The following NOL12 variants were observed in gnomAD, a reference collection of about 807,000 sequenced individuals.
NOL12 encodes nucleolar protein 12.
Under a neutral mutation model 25.2 loss-of-function variants are expected in NOL12, and 21 were observed. The observed-to-expected ratio is 0.83, with a 90% CI of 0.59 to 1.20. The LOEUF is 1.20. Ranked by LOEUF, NOL12 falls within the 50% of genes most tolerant of loss-of-function variation. The pLI, the probability that NOL12 is intolerant of heterozygous loss-of-function variation, is 0.00. For missense variants in NOL12, 286 were observed against 287.6 expected (o/e 0.99, Z 0.04); for synonymous variants, 133 against 113.8 (o/e 1.17, Z -1.08).
chr22:37,692,753 C>T lies in NOL12; in HGVS notation c.*1417C>T. The T allele has an allele frequency of 2.5e-6, 1 of 399,076 alleles. No homozygotes were observed. The highest frequency in any genetic ancestry group is 4.4e-5 in the Admixed American group (1 of 22,732). 24.7% of individuals were successfully genotyped at this position (399,076 alleles called of 1,614,324 possible). On this transcript the variant is annotated 3_prime_UTR_variant, in exon 6 of 6. Transcript: ENST00000359114. ...CCTGGAGTGGGGGTGAGCAGTGAGC[C>T]AGGGTCTGCAGGGCTGTCCTCTCTC...
intron 1 of NOL12, 41 bp from the exon 2 acceptor site, chr22:37,687,869 G>A (rs1437603711): frequency 6.8e-7 from 1 of 1,477,780 alleles, no homozygotes; most frequent in African/African-American, 1.4e-5. Flanking sequence ...TTCTCTCCTT[G>A]TATAATGACT....
chr22:37,687,137 A>C (rs1044796731), intron 1 of NOL12: 2 of 972,566 alleles, frequency 2.1e-6, no homozygotes, highest in Admixed American at 6.2e-5. Context: ...TGTCCTGGGG[A>C]CATGGGTGTT....
In NOL12 at chr22:37,688,007, C is replaced by T. The variant is rs780599224; in HGVS notation, c.181C>T (p.Arg61Trp). The change falls in exon 2 of 6, where the codon CGG (arginine) becomes TGG (tryptophan). Residue 61 changes from arginine (R) to tryptophan (W), a missense_variant. Coordinates refer to ENST00000359114, the MANE Select transcript of NOL12 (RefSeq NM_024313.3). ...QRLKEEQRKL[R>W]EERHQEYLKM... ...GCTGAAAGAGGAGCAGAGGAAGCTT[C>T]GGGAGGAGGTACGCAGGGGGAAGGT... 1.3e-5 allele frequency: 17 copies of T among 1,296,102 alleles called. No individual in the cohort carries two copies. Among genetic ancestry groups the T allele is most frequent in the Middle Eastern group, 2.0e-4 (1 of 4,968 alleles). 80.3% of individuals were successfully genotyped at this position (1,296,102 alleles called of 1,614,324 possible).
intron 1 of NOL12, chr22:37,687,005 A>G (rs1921844686): frequency 2.0e-6 from 2 of 985,402 alleles, no homozygotes; most frequent in Non-Finnish European, 1.2e-6. Flanking sequence ...CAGAGCAGCT[A>G]GCACTGTGGA....
At chr22:37,689,129 T>A (rs1048342024) in intron 4 of NOL12, 137 bp downstream of exon 4, 2 of 1,086,882 alleles carry the variant, frequency 1.8e-6, no homozygotes, top group African/African-American at 3.1e-5. Context: ...GACTGGCTTG[T>A]CGGGGTTGCT....
At chr22:37,688,199 C>G (rs1449898455) in intron 2 of NOL12, 113 bp from the exon 3 acceptor site, 3 of 1,246,886 alleles carry the variant, frequency 2.4e-6, no homozygotes, top group Non-Finnish European at 3.5e-6. Context: ...GAGTCTCCTC[C>G]TGATCTTGCA....
Position 37,687,992 on chromosome 22 carries a change from G to T in NOL12, c.166G>T (p.Glu56Ter), listed in dbSNP as rs770253754. The stretch of plus-strand genomic sequence containing the variant: ...GGAGATTAAGCAGCGGCTGAAAGAG[G>T]AGCAGAGGAAGCTTCGGGAGGAGGT... Reference protein sequence around the residue: ...IEEIKQRLKEEQRKLREERHQ... With the variant: ...IEEIKQRLKE The change falls in exon 2 of 6, where the codon GAG becomes TAG. Residue 56 changes from glutamate (E) to a stop codon, truncating the protein, a stop_gained. Transcript: ENST00000359114. LOFTEE classifies it high-confidence loss of function. 20 of 1,582,360 alleles carry T rather than the reference G, an allele frequency of 1.3e-5. No individual in the cohort carries two copies. The highest frequency in any genetic ancestry group is 1.2e-5 in the South Asian group (1 of 86,248).
chr22:37,690,794 G>A lies in NOL12; in HGVS notation c.479G>A (p.Arg160Gln), dbSNP rs758314914. 9 of 1,610,092 alleles carry A rather than the reference G, an allele frequency of 5.6e-6. No homozygotes were observed. The East Asian group carries it at 8.9e-5, about 16-fold the overall frequency. The change falls in exon 5 of 6, where the codon CGG becomes CAG. Residue 160 changes from arginine (R) to glutamine (Q), a missense_variant and splice_region_variant. Coordinates refer to ENST00000359114, the MANE Select transcript of NOL12 (RefSeq NM_024313.3). ...RKSRDPLLSQ[R>Q]ISSLTASLHA... ...TCCAGAGACCCCCTGCTCTCTCAGC[G>A]GTGAGTCTTGGCCTGCTGCCTCCCC...
chr22:37,690,723 G>A lies in NOL12; in HGVS notation c.408G>A (p.Glu136=), dbSNP rs1454406571. The change falls in exon 5 of 6, where the codon GAG becomes GAA. Residue 136 remains glutamate, a synonymous_variant. Transcript: ENST00000359114. ...PEGGAGDRSE[E]EASSTEKPTK... is the part of the protein sequence containing the mutation. ...GAGGGGCTGGAGACAGGTCTGAGGA[G>A]GAGGCGTCATCCACGGAGAAACCAA... The A allele has an allele frequency of 6.2e-7, 1 of 1,613,674 alleles. No individual in the cohort carries two copies. Among genetic ancestry groups the A allele is most frequent in the Non-Finnish European group, 8.5e-7 (1 of 1,179,762 alleles).
rs1922147987 is a variant in NOL12, at chr22:37,693,236, T to A, written c.*1900T>A. ...CCTCTCTGGTTTGTCTCGTCATGTGTAAGGTGACACCAGATACCTACCTCT... is the reference window on the plus strand; with the variant it reads ...CCTCTCTGGTTTGTCTCGTCATGTGAAAGGTGACACCAGATACCTACCTCT... On this transcript the variant is annotated 3_prime_UTR_variant, in exon 6 of 6. Coordinates refer to ENST00000359114, the MANE Select transcript of NOL12 (RefSeq NM_024313.3). 1 of 152,590 alleles carries A rather than the reference T, an allele frequency of 6.6e-6. No individual in the cohort carries two copies. The highest frequency in any genetic ancestry group is 6.5e-5 in the Admixed American group (1 of 15,282). The allele number at this position is 152,590 out of a possible 1,614,324, so 9.5% of individuals were successfully genotyped here.
chr22:37,689,823 G>A (rs555282895), intron 4 of NOL12, among the ~76,000 whole-genome samples: 350 of 152,182 alleles, frequency 2.3e-3, no homozygotes, highest in Admixed American at 7.5e-3. Flanking sequence ...GGGGTCAGGA[G>A]TTTGAGACCA....
intron 5 of NOL12, 80 bp downstream of exon 5, chr22:37,690,874 C>T: frequency 1.9e-6 from 2 of 1,064,824 alleles, no homozygotes; most frequent in South Asian, 2.8e-5. Flanking sequence ...TGGTGTGGAG[C>T]AGGTGTAGGG....
rs116555321 is a variant in NOL12, at chr22:37,686,766, C to T, written c.83+291C>T. 4.5e-3 allele frequency: 4,482 copies of T among 985,448 alleles called. 171 individuals carry two copies. The African/African-American group carries it at 0.074, about 16-fold the overall frequency. The allele number at this position is 985,448 out of a possible 1,614,324, so 61.0% of individuals were successfully genotyped here. ...CCTAGCCCAGCCCAGTCCATCGGTC[C>T]GGCACACAGCAGGCGCCCAGCCGTG... On this transcript the variant is annotated intron_variant, in intron 1 of 5. Transcript: ENST00000359114.
chr22:37,688,361 G>A lies in NOL12; in HGVS notation c.238+1G>A. 2.5e-6 allele frequency: 4 copies of A among 1,614,160 alleles called. No homozygotes were observed. The highest frequency in any genetic ancestry group is 3.4e-6 in the Non-Finnish European group (4 of 1,179,980). ...CTGGCAGAGAGAGAAGAGGCTCTGG[G>A]TAAGTGGCATGCTTGGCCTGACCTG... On this transcript the variant is annotated splice_donor_variant, in intron 3 of 5. Transcript: ENST00000359114. LOFTEE classifies it high-confidence loss of function.
At chr22:37,690,970 C>T (rs1287257355) in intron 5 of NOL12, 176 bp downstream of exon 5, 3 of 686,716 alleles carry the variant, frequency 4.4e-6, no homozygotes, top group East Asian at 2.8e-5. Flanking sequence ...TAGTGTCTGA[C>T]CTCCAGTGCT....
intron 1 of NOL12, chr22:37,686,983 A>G (rs1476446506): frequency 1.0e-6 from 1 of 985,274 alleles, no homozygotes; most frequent in Admixed American, 6.2e-5. Flanking sequence ...GGACCGTGGG[A>G]CAAAATGGGA....
chr22:37,690,648 G>C (rs1292883487), intron 4 of NOL12, 49 bp from the exon 5 acceptor site: 2 of 1,433,740 alleles, frequency 1.4e-6, no homozygotes, highest in South Asian at 1.2e-5. Flanking sequence ...CCCAGCCCAG[G>C]TCCCCCCAGC....
chr22:37,692,731 G>T lies in NOL12; in HGVS notation c.*1395G>T. ...TACCCGCCCTGATGTGGGAGCTCCT[G>T]GAGTGGGGGTGAGCAGTGAGCCAGG... is the stretch of plus-strand genomic sequence containing the variant. On this transcript the variant is annotated 3_prime_UTR_variant, in exon 6 of 6. Transcript: ENST00000359114. 1 of 399,212 alleles carries T rather than the reference G, an allele frequency of 2.5e-6. No homozygotes were observed. The highest frequency in any genetic ancestry group is 4.4e-6 in the Non-Finnish European group (1 of 226,510). 24.7% of individuals were successfully genotyped at this position (399,212 alleles called of 1,614,324 possible). A position where few individuals can be genotyped will look rare whatever the true frequency, so the allele number is the denominator to read the frequency against.
chr22:37,687,048 G>C, intron 1 of NOL12: 2 of 985,438 alleles, frequency 2.0e-6, no homozygotes, highest in South Asian at 9.4e-5. Flanking sequence ...ACCGAGGGAA[G>C]GAGGTAGGGA....
Sources: allele counts gnomAD v4.1 joint callset (sites outside exome capture counted in the v4.1 genomes callset), GRCh38; gene constraint gnomAD v4.1.1; transcripts MANE v1.5; gene names NCBI Gene and HGNC (gene_info 2026-07-23, HGNC 2026-07-21).